CFAP92: variants seen among roughly 807,000 people sequenced by gnomAD.
CFAP92 encodes the protein uncharacterized protein CFAP92.
Under a neutral mutation model 106.3 loss-of-function variants are expected in CFAP92, and 86 were observed. The observed-to-expected ratio is 0.81, with a 90% CI of 0.68 to 0.97. The LOEUF (loss-of-function observed/expected upper bound fraction) is 0.97, where lower values mean the gene tolerates loss of function less well. CFAP92 is among the 50% of genes least tolerant of loss of function. The probability of loss-of-function intolerance (pLI) is 0.00; values close to 1 mark genes in which losing one functional copy is unlikely to be tolerated. For synonymous variants in CFAP92, 477 were observed against 506.4 expected (o/e 0.94, Z 0.78); for missense variants, 1,204 against 1,283.8 (o/e 0.94, Z 0.95).
intron 12 of CFAP92, among the ~76,000 whole-genome samples, chr3:128,930,103 AG>A (rs1386186580): frequency 6.6e-6 from 1 of 152,198 alleles, no homozygotes; most frequent in Non-Finnish European, 1.5e-5. Flanking sequence ...TGTAAGAGAT[AG>A]GGGGCTAGTA....
intron 4 of CFAP92, among the ~76,000 whole-genome samples, chr3:128,983,263 C>T (rs770805021): frequency 6.6e-6 from 1 of 152,178 alleles, no homozygotes; most frequent in African/African-American, 2.4e-5. Flanking sequence ...GGGATAGGCA[C>T]ACATGTTGAG....
intron 1 of CFAP92, among the ~76,000 whole-genome samples, chr3:128,999,959 AC>A (rs1944647336): frequency 6.6e-6 from 1 of 152,170 alleles, no homozygotes; most frequent in Non-Finnish European, 1.5e-5. Flanking sequence ...CTGTGCACTC[AC>A]ATACACATGT....
intron 12 of CFAP92, among the ~76,000 whole-genome samples, chr3:128,924,475 G>A (rs1189967484): frequency 9.4e-5 from 9 of 96,240 alleles, no homozygotes; most frequent in East Asian, 3.1e-4. Context: ...ACAGAGTTTC[G>A]CTCTTGTTGC....
chr3:128,945,364 G>T lies in CFAP92; in HGVS notation c.1965C>A (p.Gly655=). ...GARAADPDLG[G]SQFGRIIFVF... is the part of the protein sequence containing the mutation. ...CGAAGATGATGCGGCCAAACTGGGA[G>T]CCCCCAAGGTCAGGATCAGCAGCTC... Residue 655 remains glycine, a synonymous_variant, in exon 10 of 16, where the codon GGC becomes GGA. Coordinates refer to ENST00000645291, the MANE Select transcript of CFAP92 (RefSeq NM_001394090.1). 1.3e-6 allele frequency: 2 copies of T among 1,536,142 alleles called. No individual in the cohort carries two copies. The highest frequency in any genetic ancestry group is 8.7e-7 in the Non-Finnish European group (1 of 1,146,904).
At chr3:128,940,928 A>T (rs965162314) in intron 10 of CFAP92, among the ~76,000 whole-genome samples, 4 of 152,204 alleles carry the variant, frequency 2.6e-5, no homozygotes, top group African/African-American at 7.2e-5. Context: ...TTAAAATTTT[A>T]AAATCAATGT....
At chr3:128,987,923 C>T (rs1943961780) in intron 3 of CFAP92, 94 bp from the exon 4 acceptor site, 5 of 1,050,560 alleles carry the variant, frequency 4.8e-6, no homozygotes, top group Non-Finnish European at 6.9e-6. Context: ...TGGCCCTCAG[C>T]AGCAGCGCTG....
rs911484074 is a variant in CFAP92 at position 128,915,344 on chromosome 3, C to G, written c.3123+13G>C. The G allele has an allele frequency of 2.6e-6, 4 of 1,536,128 alleles. No individual in the cohort carries two copies. The African/African-American group carries it at 5.5e-5, about 21-fold the overall frequency. On this transcript the variant is annotated intron_variant, in intron 14 of 15. Coordinates refer to ENST00000645291, the MANE Select transcript of CFAP92 (RefSeq NM_001394090.1). ...TGGACACCCCACCTGAGACCCTGCT[C>G]TTCCCTGTGGACCTCATTCAGCTCT... is the stretch of plus-strand genomic sequence containing the variant.
chr3:128,981,441 T>C (rs142044180), intron 4 of CFAP92, among the ~76,000 whole-genome samples: 117 of 150,524 alleles, frequency 7.8e-4, no homozygotes, highest in African/African-American at 2.8e-3. Context: ...AGCAATTCTC[T>C]AGCCTCAGCC....
intron 1 of CFAP92, among the ~76,000 whole-genome samples, chr3:128,999,806 G>T (rs1944636560): frequency 6.6e-6 from 1 of 152,044 alleles, no homozygotes; most frequent in Non-Finnish European, 1.5e-5. Flanking sequence ...GCCTCCCAAA[G>T]TGGTGGGATT....
the CFAP92 span, among the ~76,000 whole-genome samples, chr3:129,010,115 C>T: frequency 9.8e-5 from 15 of 152,354 alleles, no homozygotes; most frequent in Admixed American, 9.1e-4. The surrounding 1 kb of genome is among the most constrained non-coding windows in gnomAD (Gnocchi z 4.3). Context: ...GAAGAAAGGG[C>T]GTAACGCCTG....
intron 9 of CFAP92, among the ~76,000 whole-genome samples, chr3:128,959,788 G>T (rs1028174500): frequency 1.3e-5 from 2 of 152,186 alleles, no homozygotes; most frequent in African/African-American, 4.8e-5. Flanking sequence ...CTCACTGTGG[G>T]ATCCTAAATG....
rs112536236 is a variant in CFAP92 at position 128,932,378 on chromosome 3, T to TACACACACACACACACACACACACACAC, written c.2751+321_2751+322insGTGTGTGTGTGTGTGTGTGTGTGTGTGT. ...GCCCTGAGCAGCGTAAGCAACATGT[T>TACACACACACACACACACACACACACAC]ACACACACACACACACACATGCCAC... On this transcript the variant is annotated intron_variant, in intron 12 of 15. Coordinates refer to ENST00000645291, the MANE Select transcript of CFAP92 (RefSeq NM_001394090.1). Among the ~76,000 whole-genome samples the TACACACACACACACACACACACACACAC allele has an allele frequency of 6.6e-3, 977 of 147,504 alleles. 8 individuals carry two copies. Among genetic ancestry groups the TACACACACACACACACACACACACACAC allele is most frequent in the African/African-American group, 0.019 (747 of 39,880 alleles).
the CFAP92 span, among the ~76,000 whole-genome samples, chr3:129,023,398 G>A: frequency 6.0e-5 from 9 of 149,598 alleles, no homozygotes; most frequent in African/African-American, 2.0e-4. Context: ...GTGCGATCTT[G>A]GCTCACTGCA....
the CFAP92 span, among the ~76,000 whole-genome samples, chr3:129,019,851 C>T: frequency 6.6e-4 from 98 of 149,144 alleles, 1 homozygote; most frequent in African/African-American, 2.3e-3. Context: ...TCACTGCAAC[C>T]TCCACCTCCC....
At chr3:128,923,801 T>C (rs1054057647) in intron 12 of CFAP92, among the ~76,000 whole-genome samples, 1 of 152,238 alleles carries the variant, frequency 6.6e-6, no homozygotes, top group Non-Finnish European at 1.5e-5. Context: ...AAATGCCATC[T>C]GGAGGGCAAA....
At chr3:128,910,713 A>C (rs778095534) in intron 15 of CFAP92, 33 of 1,613,718 alleles carry the variant, frequency 2.0e-5, no homozygotes, top group Middle Eastern at 3.3e-4. Flanking sequence ...GAATTTGGGC[A>C]TATCTTTTCT....
chr3:129,001,582 G>A (rs1393541226), intron 1 of CFAP92: 4 of 1,346,388 alleles, frequency 3.0e-6, no homozygotes, highest in East Asian at 3.1e-5. Context: ...GTGGCGGGGC[G>A]AAGGGACCGG....
At chr3:129,002,764 C>T (rs919496052), upstream of CFAP92, 1 of 169,036 alleles carries the variant, frequency 5.9e-6, no homozygotes, top group African/African-American at 2.4e-5. Context: ...ATATCCCTGC[C>T]TCCTGGGGTA....
chr3:128,988,473 G>A (rs144878462), intron 3 of CFAP92, among the ~76,000 whole-genome samples: 3 of 152,180 alleles, frequency 2.0e-5, no homozygotes, highest in African/African-American at 4.8e-5. Context: ...CCGGGAGGCA[G>A]AGGTTGTGGT....
Sources: gnomAD v4.1 joint callset for allele counts (sites outside exome capture counted in the v4.1 genomes callset) on GRCh38, gnomAD v4.1.1 for gene constraint, Gnocchi (gnomAD v3.1) non-coding constraint, MANE v1.5 for transcripts, NCBI Gene and HGNC (gene_info 2026-07-23, HGNC 2026-07-21) for gene names.